Variants in OCIAD1 observed in about 807,000 individuals in gnomAD.
OCIAD1 encodes OCIA domain containing 1, also known as OCIA domain-containing protein 1.
A neutral mutation model predicts 38.9 loss-of-function variants in OCIAD1; 29 were observed. The observed-to-expected ratio is 0.74, with a 90% confidence interval of 0.55 to 1.02. The LOEUF (loss-of-function observed/expected upper bound fraction) is 1.02. Ranked by LOEUF, OCIAD1 falls within the 50% of genes least tolerant of loss-of-function variation. The probability of loss-of-function intolerance (pLI) is 0.00; values close to 1 mark genes in which losing one functional copy is unlikely to be tolerated. For missense variants in OCIAD1, 288 were observed against 289.6 expected, an observed-to-expected ratio of 0.99 and a Z score of 0.04; for synonymous variants, 110 against 92.0, an observed-to-expected ratio of 1.20 and a Z score of -1.12.
intron 1 of OCIAD1, among the ~76,000 whole-genome samples, chr4:48,814,897 A>G (rs1216048446): frequency 3.3e-5 from 5 of 152,200 alleles, no homozygotes; most frequent in African/African-American, 1.2e-4. Flanking sequence ...CCATGATTTT[A>G]TTGATGCTTC....
At chr4:48,827,259 T>A (rs946271755), upstream of OCIAD1, among the ~76,000 whole-genome samples, 1 of 152,268 alleles carries the variant, frequency 6.6e-6, no homozygotes, top group African/African-American at 2.4e-5. Flanking sequence ...ATTGATTTCA[T>A]TTATATACAT....
chr4:48,856,676 C>G (rs1780071031), intron 7 of OCIAD1: 1 of 152,130 alleles, frequency 6.6e-6, no homozygotes, highest in Non-Finnish European at 1.5e-5. Flanking sequence ...AGCCATTGTG[C>G]CTGGCCTATT....
intron 4 of OCIAD1, among the ~76,000 whole-genome samples, chr4:48,843,707 A>AAAC (rs111373676): frequency 3.7e-4 from 56 of 152,162 alleles, no homozygotes; most frequent in East Asian, 2.1e-3. Context: ...CTGTATTGTG[A>AAAC]AACAACAACA....
chr4:48,812,965 G>A (rs1302039550), intron 1 of OCIAD1, among the ~76,000 whole-genome samples: 1 of 152,168 alleles, frequency 6.6e-6, no homozygotes, highest in African/African-American at 2.4e-5. Flanking sequence ...AGGTGAGAGA[G>A]GATGGAATCT....
chr4:48,835,847 A>C (rs1777931435), intron 3 of OCIAD1, among the ~76,000 whole-genome samples: 1 of 152,208 alleles, frequency 6.6e-6, no homozygotes, highest in South Asian at 2.1e-4. Flanking sequence ...ACAACAAAAG[A>C]ATTAATAGTT....
upstream of OCIAD1, chr4:48,830,739 TAA>T (rs1466097272): frequency 6.6e-6 from 1 of 152,106 alleles, no homozygotes; most frequent in Non-Finnish European, 1.5e-5. Context: ...AATTATCTCA[TAA>T]AAGAGATAAT....
At chr4:48,853,826 C>T (rs777982599) in intron 7 of OCIAD1, among the ~76,000 whole-genome samples, 3 of 152,048 alleles carry the variant, frequency 2.0e-5, no homozygotes, top group African/African-American at 2.4e-5. Context: ...GAGCAAAAGT[C>T]GGGGCAAAGG....
At chr4:48,810,468 C>CAAAAA (rs749988114) in intron 1 of OCIAD1, among the ~76,000 whole-genome samples, 25 of 42,286 alleles carry the variant, frequency 5.9e-4, no homozygotes, top group African/African-American at 1.4e-3. Flanking sequence ...GACTCCATCT[C>CAAAAA]AAAAAAAAAA....
intron 1 of OCIAD1, among the ~76,000 whole-genome samples, chr4:48,809,800 C>T (rs1195248382): frequency 6.6e-6 from 1 of 152,186 alleles, no homozygotes; most frequent in Non-Finnish European, 1.5e-5. Context: ...CTCAAAATCA[C>T]CTTTCCCAGA....
intron 3 of OCIAD1, among the ~76,000 whole-genome samples, chr4:48,839,902 G>C (rs1778370951): frequency 6.6e-6 from 1 of 152,152 alleles, no homozygotes; most frequent in Non-Finnish European, 1.5e-5. Context: ...CACTGACTAG[G>C]GAGTCAGGAG....
intron 6 of OCIAD1, among the ~76,000 whole-genome samples, chr4:48,850,749 A>AT (rs759608600): frequency 3.9e-5 from 6 of 151,974 alleles, no homozygotes; most frequent in Admixed American, 6.6e-5. Flanking sequence ...AATTTTTTGT[A>AT]TTTTTTGAAG....
Position 48,849,972 on chromosome 4 carries a change from T to TGGAAAACTTTCTTATG in OCIAD1, c.268_283dup (p.Val95GlyfsTer17), listed in dbSNP as rs780748185. 6.2e-7 allele frequency: 1 copy of TGGAAAACTTTCTTATG among 1,611,002 alleles called. No homozygotes were observed. Among genetic ancestry groups the TGGAAAACTTTCTTATG allele is most frequent in the South Asian group, 1.1e-5 (1 of 89,758 alleles). On this transcript the variant is annotated frameshift_variant, in exon 6 of 9. Transcript: ENST00000264312. LOFTEE classifies it high-confidence loss of function. ...TTGCTTGTATCATGGGATACTTTGC[T>TGGAAAACTTTCTTATG]GGAAAACTTTCTTATGTGAAAACTT...
chr4:48,845,147 T>C (rs1411329645), intron 4 of OCIAD1, among the ~76,000 whole-genome samples: 1 of 151,612 alleles, frequency 6.6e-6, no homozygotes, highest in Non-Finnish European at 1.5e-5. Flanking sequence ...TTGAGAACAT[T>C]AAAAAGAAAA....
intron 3 of OCIAD1, among the ~76,000 whole-genome samples, chr4:48,835,131 A>G (rs957669429): frequency 2.6e-5 from 4 of 152,068 alleles, no homozygotes; most frequent in African/African-American, 4.8e-5. Context: ...ACTGGGTTTC[A>G]CTATGTTGGC....
intron 1 of OCIAD1, among the ~76,000 whole-genome samples, chr4:48,825,292 T>C (rs1441533791): frequency 2.6e-5 from 4 of 152,100 alleles, no homozygotes; most frequent in Admixed American, 2.6e-4. Context: ...ATTCCTGCCA[T>C]CCCATGCATC....
chr4:48,813,670 CAA>C (rs1560406867), intron 1 of OCIAD1, among the ~76,000 whole-genome samples: 1 of 152,150 alleles, frequency 6.6e-6, no homozygotes, highest in Admixed American at 6.5e-5. Flanking sequence ...GGGAAACAAA[CAA>C]ACAAAAACTG....
intron 1 of OCIAD1, among the ~76,000 whole-genome samples, chr4:48,820,132 A>T (rs1402662630): frequency 1.3e-5 from 2 of 152,200 alleles, no homozygotes; most frequent in African/African-American, 2.4e-5. Context: ...GTATTCTAAA[A>T]TCGATCACAT....
At chr4:48,822,216 A>G (rs1777201435) in intron 1 of OCIAD1, among the ~76,000 whole-genome samples, 1 of 152,222 alleles carries the variant, frequency 6.6e-6, no homozygotes, top group Non-Finnish European at 1.5e-5. Flanking sequence ...AACGGAACAG[A>G]ACAGAGACCT....
At chr4:48,853,142 G>A (rs1779689809) in intron 7 of OCIAD1, among the ~76,000 whole-genome samples, 1 of 151,968 alleles carries the variant, frequency 6.6e-6, no homozygotes, top group African/African-American at 2.4e-5. Context: ...GCCTCCCAAA[G>A]TGCTGGGATT....
Sources: gnomAD v4.1 joint callset for allele counts (sites outside exome capture counted in the v4.1 genomes callset) on GRCh38, gnomAD v4.1.1 for gene constraint, MANE v1.5 for transcripts, NCBI Gene and HGNC (gene_info 2026-07-23, HGNC 2026-07-21) for gene names.